GPHN: variants seen among roughly 807,000 people sequenced by gnomAD.
GPHN encodes the protein gephyrin.
Under a neutral mutation model 95.5 loss-of-function variants are expected in GPHN, and 17 were observed. That is an observed-to-expected ratio of 0.18 (90% CI 0.12 to 0.27). The LOEUF is 0.27. Among genes scored for constraint, GPHN ranks in the 10% least tolerant of loss-of-function variants. The probability of loss-of-function intolerance (pLI) is 1.00; values close to 1 mark genes in which losing one functional copy is unlikely to be tolerated. For synonymous variants in GPHN, 320 were observed against 322.5 expected, an observed-to-expected ratio of 0.99 and a Z score of 0.08; for missense variants, 660 against 978.1, an observed-to-expected ratio of 0.67 and a Z score of 4.34.
chr14:66,534,852 G>A (rs1262064821), intron 1 of GPHN, among the ~76,000 whole-genome samples: 1 of 151,930 alleles, frequency 6.6e-6, no homozygotes, highest in Admixed American at 6.6e-5. Context: ...TTGTCTTATG[G>A]ATTTATAGGA....
the GPHN span, chr14:67,659,929 A>G: frequency 6.2e-7 from 1 of 1,611,952 alleles, no homozygotes; most frequent in Non-Finnish European, 8.5e-7. Flanking sequence ...CCAGCTGGGA[A>G]GGCAGAAAGT....
At chr14:66,995,364 T>A (rs1182828723) in intron 9 of GPHN, among the ~76,000 whole-genome samples, 1 of 152,226 alleles carries the variant, frequency 6.6e-6, no homozygotes, top group Non-Finnish European at 1.5e-5. Context: ...AGGTTAAGTC[T>A]GTTGAAGAGT....
chr14:67,505,624 A>G, the GPHN span, among the ~76,000 whole-genome samples: 1 of 151,882 alleles, frequency 6.6e-6, no homozygotes, highest in Non-Finnish European at 1.5e-5. Flanking sequence ...AGACTGAAGG[A>G]CCTTAGCTGA....
At chr14:66,673,994 A>T (rs1484090582) in intron 1 of GPHN, among the ~76,000 whole-genome samples, 1 of 152,210 alleles carries the variant, frequency 6.6e-6, no homozygotes, top group Non-Finnish European at 1.5e-5. Flanking sequence ...TTTACTGTGA[A>T]CATTCAAAAG....
chr14:66,747,119 A>G (rs1022043346), intron 2 of GPHN, among the ~76,000 whole-genome samples: 1 of 152,112 alleles, frequency 6.6e-6, no homozygotes, highest in African/African-American at 2.4e-5. Context: ...TAAATGTTAA[A>G]CTCAACATTG....
chr14:67,698,215 C>T, the GPHN span, among the ~76,000 whole-genome samples: 280 of 152,304 alleles, frequency 1.8e-3, 2 homozygotes, highest in Admixed American at 4.5e-3. Context: ...TGTGTATTTG[C>T]ATATCCATAT....
At chr14:66,589,651 C>G (rs540071195) in intron 1 of GPHN, among the ~76,000 whole-genome samples, 55 of 152,164 alleles carry the variant, frequency 3.6e-4, no homozygotes, top group South Asian at 6.2e-4. Context: ...TACATATGCA[C>G]CCAATACAGG....
intron 1 of GPHN, among the ~76,000 whole-genome samples, chr14:66,582,018 T>C (rs896853394): frequency 1.3e-5 from 2 of 152,058 alleles, no homozygotes; most frequent in Admixed American, 1.3e-4. Context: ...AACTACATCT[T>C]AGACCAAATG....
At chr14:67,502,456 C>CTT in the GPHN span, among the ~76,000 whole-genome samples, 308 of 137,626 alleles carry the variant, frequency 2.2e-3, 3 homozygotes, top group African/African-American at 5.1e-3. Context: ...AAGGTGATTT[C>CTT]TTTTTTTTTT....
intron 5 of GPHN, among the ~76,000 whole-genome samples, chr14:66,895,915 C>G (rs1335437381): frequency 6.6e-6 from 1 of 152,102 alleles, no homozygotes; most frequent in African/African-American, 2.4e-5. Context: ...AACAAAATAC[C>G]TTAGACTGGG....
At chr14:67,254,663 T>A in the GPHN span, among the ~76,000 whole-genome samples, 1 of 152,224 alleles carries the variant, frequency 6.6e-6, no homozygotes, top group Non-Finnish European at 1.5e-5. Context: ...TCCTTATTAG[T>A]TCTGATAACT....
intron 1 of GPHN, among the ~76,000 whole-genome samples, chr14:66,601,075 A>G (rs1297960218): frequency 6.6e-6 from 1 of 152,062 alleles, no homozygotes; most frequent in Non-Finnish European, 1.5e-5. Flanking sequence ...ATACTATACA[A>G]TAAAGAGGTT....
chr14:67,079,252 C>A (rs1342104820), intron 11 of GPHN, among the ~76,000 whole-genome samples: 1 of 152,024 alleles, frequency 6.6e-6, no homozygotes, highest in Non-Finnish European at 1.5e-5. Flanking sequence ...TATATTCAGA[C>A]ATGTGTAGCC....
chr14:67,365,122 T>A, the GPHN span: 3 of 1,143,130 alleles, frequency 2.6e-6, no homozygotes, highest in Non-Finnish European at 3.6e-6. Context: ...CTTTTATACT[T>A]AAACCTTTTA....
At chr14:67,279,139 A>G in the GPHN span, 1 of 1,506,752 alleles carries the variant, frequency 6.6e-7, no homozygotes, top group Non-Finnish European at 8.8e-7. Context: ...AAATTGATTT[A>G]TAAAAAGTGG....
the GPHN span, among the ~76,000 whole-genome samples, chr14:67,371,832 A>G: frequency 2.0e-4 from 30 of 152,256 alleles, no homozygotes; most frequent in African/African-American, 7.2e-4. Context: ...TGTTTTTGTA[A>G]AAAAGCAAAT....
rs1341693117 is a variant in GPHN, at chr14:66,508,560, C to T, written c.33C>T (p.His11=). The change falls in exon 1 of 23, where the codon CAC becomes CAT. Residue 11 remains histidine, a synonymous_variant. Coordinates refer to ENST00000478722, the MANE Select transcript of GPHN (RefSeq NM_020806.5). MATEGMILTN[H]DHQIRVGVLT... ...CCGAGGGAATGATCCTTACTAACCA[C>T]GACCATCAAATCCGTGTCGGAGTCC... The T allele has an allele frequency of 6.2e-7, 1 of 1,614,064 alleles. No homozygotes were observed. The highest frequency in any genetic ancestry group is 8.5e-7 in the Non-Finnish European group (1 of 1,179,882).
chr14:67,352,801 A>G, the GPHN span: 2 of 663,494 alleles, frequency 3.0e-6, no homozygotes, highest in Admixed American at 2.7e-5. Flanking sequence ...TTAAACTTAT[A>G]ATGGTATTTT....
At chr14:67,047,328 GTGTGTT>G (rs113754647) in intron 10 of GPHN, among the ~76,000 whole-genome samples, 607 of 96,616 alleles carry the variant, frequency 6.3e-3, no homozygotes, top group Middle Eastern at 0.019. Flanking sequence ...TTGTGTGTGT[GTGTGTT>G]TGTGTGTGTG....
Sources: gnomAD v4.1 joint callset for allele counts (sites outside exome capture counted in the v4.1 genomes callset) on GRCh38, gnomAD v4.1.1 for gene constraint, MANE v1.5 for transcripts, NCBI Gene and HGNC (gene_info 2026-07-23, HGNC 2026-07-21) for gene names.